The following MTMR3 variants were observed in gnomAD, a reference collection of about 807,000 sequenced individuals.
MTMR3 encodes the protein myotubularin related protein 3, also known as phosphatidylinositol-3,5-bisphosphate 3-phosphatase MTMR3.
MTMR3 carries 32 observed loss-of-function variants against 132.4 expected under a neutral mutation model. The ratio of observed to expected loss-of-function variants is 0.24; its 90% CI spans 0.18 to 0.32. MTMR3 has a LOEUF of 0.32. Ranked by LOEUF, MTMR3 falls within the 10% of genes least tolerant of loss-of-function variation. The pLI, the probability that MTMR3 is intolerant of heterozygous loss-of-function variation, is 1.00. For synonymous variants in MTMR3, 556 were observed against 550.3 expected (o/e 1.01, Z -0.14); for missense variants, 1,216 against 1,489.6 (o/e 0.82, Z 3.02).
intron 1 of MTMR3, among the ~76,000 whole-genome samples, chr22:29,953,377 G>T (rs1167175138): frequency 6.6e-6 from 1 of 152,104 alleles, no homozygotes; most frequent in Non-Finnish European, 1.5e-5. Context: ...GTACAAATTG[G>T]TGTGCCTCTT....
rs1320393639 is a variant in MTMR3, at chr22:30,029,272, C to G, written c.*3471C>G. 1 of 152,326 alleles carries G rather than the reference C, an allele frequency of 6.6e-6. No individual in the cohort carries two copies. The highest frequency in any genetic ancestry group is 1.5e-5 in the Non-Finnish European group (1 of 68,034). 9.4% of individuals were successfully genotyped at this position (152,326 alleles called of 1,614,324 possible). A position where few individuals can be genotyped will look rare whatever the true frequency, so the allele number is the denominator to read the frequency against. On this transcript the variant is annotated 3_prime_UTR_variant, in exon 20 of 20. Coordinates refer to ENST00000401950, the MANE Select transcript of MTMR3 (RefSeq NM_021090.4). ...CAGAACTTTCCTATCCTGGCACTCT[C>G]GTTACCTTTCTTCTATACCTTGGCC...
At chr22:29,910,561 T>A (rs73396842) in intron 1 of MTMR3, among the ~76,000 whole-genome samples, 2 of 152,156 alleles carry the variant, frequency 1.3e-5, no homozygotes, top group Non-Finnish European at 2.9e-5. Flanking sequence ...TAGTCATTAC[T>A]GTGGCGACTA....
intron 1 of MTMR3, among the ~76,000 whole-genome samples, chr22:29,917,453 C>T (rs2065330423): frequency 6.6e-6 from 1 of 152,142 alleles, no homozygotes; most frequent in Non-Finnish European, 1.5e-5. Context: ...CCAAGGCCAG[C>T]CTGGGCAACA....
At chr22:29,977,471 T>C (rs981931111) in intron 3 of MTMR3, among the ~76,000 whole-genome samples, 1 of 152,238 alleles carries the variant, frequency 6.6e-6, no homozygotes, top group African/African-American at 2.4e-5. Context: ...TCTTTTGAAA[T>C]TGTCTTAACA....
intron 6 of MTMR3, 61 bp downstream of exon 6, chr22:29,988,623 G>T: frequency 3.1e-6 from 4 of 1,277,344 alleles, no homozygotes; most frequent in South Asian, 1.4e-5. Flanking sequence ...TAAAGAATGG[G>T]TCCATTATTT....
intron 2 of MTMR3, among the ~76,000 whole-genome samples, chr22:29,967,194 TGTGTGTGTGTG>T (rs1235486785): frequency 2.2e-3 from 4 of 1,838 alleles, no homozygotes; most frequent in Admixed American, 8.8e-3. Flanking sequence ...TCACCTCTGT[TGTGTGTGTGTG>T]TGTGTGTGTG....
chr22:29,891,028 G>GAA (rs796599768), intron 1 of MTMR3, among the ~76,000 whole-genome samples: 6 of 108,318 alleles, frequency 5.5e-5, no homozygotes, highest in African/African-American at 1.6e-4. Context: ...CATCTCTTTA[G>GAA]AAAAAAAAAA....
intron 17 of MTMR3, 35 bp from the exon 18 acceptor site, chr22:30,021,994 G>T: frequency 6.5e-7 from 1 of 1,535,406 alleles, no homozygotes; most frequent in Non-Finnish European, 9.0e-7. Context: ...AGGAGACCAG[G>T]TTCATTCTGT....
intron 14 of MTMR3, chr22:30,015,268 G>A (rs2145959016): frequency 6.6e-6 from 1 of 151,534 alleles, no homozygotes; most frequent in South Asian, 2.1e-4. Context: ...TGTTGCCCAG[G>A]CAGGTCTCAA....
chr22:30,025,505 G>T, intron 19 of MTMR3, 125 bp from the exon 20 acceptor site: 1 of 953,190 alleles, frequency 1.0e-6, no homozygotes, highest in Admixed American at 2.1e-5. Context: ...GAGATGAAAG[G>T]GTTTGATCTC....
intron 1 of MTMR3, among the ~76,000 whole-genome samples, chr22:29,927,433 T>G (rs1340027768): frequency 6.6e-6 from 1 of 152,244 alleles, no homozygotes; most frequent in Non-Finnish European, 1.5e-5. Context: ...GATCATTTTG[T>G]CAGTTTGTTG....
chr22:29,889,250 A>G (rs1002880345), intron 1 of MTMR3, among the ~76,000 whole-genome samples: 1 of 151,744 alleles, frequency 6.6e-6, no homozygotes, highest in Non-Finnish European at 1.5e-5. Flanking sequence ...TAAATTTCAA[A>G]ATGAAATTAT....
At chr22:30,003,835 T>C (rs920997391) in intron 9 of MTMR3, 1 of 152,242 alleles carries the variant, frequency 6.6e-6, no homozygotes, top group African/African-American at 2.4e-5. Flanking sequence ...TTCCTTCTTA[T>C]TCTGGAAATG....
intron 10 of MTMR3, chr22:30,007,585 C>T (rs1345289299): frequency 1.1e-5 from 6 of 560,958 alleles, no homozygotes; most frequent in African/African-American, 1.9e-5. Context: ...AGAGGACTTG[C>T]AGTATCTGCA....
At chr22:29,922,541 C>T (rs995390562) in intron 1 of MTMR3, among the ~76,000 whole-genome samples, 2 of 152,074 alleles carry the variant, frequency 1.3e-5, no homozygotes, top group Non-Finnish European at 2.9e-5. Flanking sequence ...ACCCATTTAT[C>T]CATTGATGGA....
intron 1 of MTMR3, among the ~76,000 whole-genome samples, chr22:29,940,759 C>T (rs1477493184): frequency 6.7e-6 from 1 of 150,044 alleles, no homozygotes; most frequent in African/African-American, 2.5e-5. Context: ...CCCTTGATCA[C>T]ATCATATGGA....
chr22:29,918,851 G>A (rs753386816), intron 1 of MTMR3, among the ~76,000 whole-genome samples: 26 of 152,146 alleles, frequency 1.7e-4, no homozygotes, highest in South Asian at 1.2e-3. Context: ...AATATTATTT[G>A]CCTTTAAGAA....
intron 9 of MTMR3, chr22:30,003,616 G>A (rs2067219013): frequency 1.3e-5 from 2 of 152,224 alleles, no homozygotes; most frequent in Admixed American, 6.5e-5. Context: ...CCTTGAATAA[G>A]TTCCCTAACT....
At chr22:29,996,166 G>T (rs1046272901) in intron 7 of MTMR3, 9 of 152,180 alleles carry the variant, frequency 5.9e-5, no homozygotes, top group African/African-American at 1.9e-4. Context: ...CATGTTTGTT[G>T]TATTGTGTTG....
Sources: allele counts gnomAD v4.1 joint callset (sites outside exome capture counted in the v4.1 genomes callset), GRCh38; gene constraint gnomAD v4.1.1; transcripts MANE v1.5; gene names NCBI Gene and HGNC (gene_info 2026-07-23, HGNC 2026-07-21).